CAPN12: variants seen among roughly 807,000 people sequenced by gnomAD.
CAPN12 encodes calpain 12.
CAPN12 carries 107 observed loss-of-function variants against 95.0 expected under a neutral mutation model. The ratio of observed to expected loss-of-function variants is 1.13; its 90% CI spans 0.96 to 1.32. The LOEUF (loss-of-function observed/expected upper bound fraction) is 1.32. CAPN12 is among the 40% of genes most tolerant of loss of function. The probability of loss-of-function intolerance (pLI) is 0.00; values close to 1 mark genes in which losing one functional copy is unlikely to be tolerated. For synonymous variants in CAPN12, 505 were observed against 415.5 expected, an observed-to-expected ratio of 1.22 and a Z score of -2.62; for missense variants, 1,136 against 997.8, an observed-to-expected ratio of 1.14 and a Z score of -1.87.
chr19:38,738,258 C>A lies in CAPN12; in HGVS notation c.965+15G>T, dbSNP rs756953415. The A allele has an allele frequency of 2.5e-6, 4 of 1,611,824 alleles. No individual in the cohort carries two copies. The African/African-American group carries it at 4.0e-5, about 16-fold the overall frequency. On this transcript the variant is annotated intron_variant, in intron 8 of 20. Coordinates refer to ENST00000328867, the MANE Select transcript of CAPN12 (RefSeq NM_144691.4). ...GACCCTCCCAGAGGCAGAGCTGGGA[C>A]CCTGACGAACTGACCAGAACTCGCC...
Position 38,736,674 on chromosome 19 carries a change from A to G in CAPN12, c.1363-111T>C, listed in dbSNP as rs1970196693. On this transcript the variant is annotated intron_variant, in intron 10 of 20. Transcript: ENST00000328867. The stretch of plus-strand genomic sequence containing the variant: ...TGCTCTCTCCCTCCTTCTTCGTCCT[A>G]TTAGACCCTTATTGAACCTTTGCCC... The G allele has an allele frequency of 3.8e-6, 5 of 1,312,096 alleles. No individual in the cohort carries two copies. In the South Asian group the frequency reaches 5.9e-5, roughly 15 times the overall value. 81.3% of individuals were successfully genotyped at this position (1,312,096 alleles called of 1,614,324 possible).
At chr19:38,742,062 A>G in intron 3 of CAPN12, 152 bp from the exon 4 acceptor site, 2 of 1,180,006 alleles carry the variant, frequency 1.7e-6, no homozygotes, top group Non-Finnish European at 2.4e-6. Context: ...GCGGTGGCTC[A>G]CATCTGTAAT....
Position 38,736,219 on chromosome 19 carries a change from G to T in CAPN12, c.1474C>A (p.Arg492Ser), listed in dbSNP as rs1007640899. ...TAGTGGCCTGGACGCAGGCAGCAGC[G>T]GCGGGTCACGTCGCGGCGGGCGCTG... ...PLSARRDVTR[R>S]CCLRPGHYLV... The change falls in exon 12 of 21, where the codon CGC becomes AGC. Residue 492 changes from arginine (R) to serine (S), a missense_variant. Arg to Ser is a moderately radical substitution (Grantham distance 110, BLOSUM62 -1). Coordinates refer to ENST00000328867, the MANE Select transcript of CAPN12 (RefSeq NM_144691.4). The T allele has an allele frequency of 9.3e-6, 14 of 1,500,732 alleles. No homozygotes were observed. The East Asian group carries it at 1.6e-4, about 18-fold the overall frequency. 93.0% of individuals were successfully genotyped at this position (1,500,732 alleles called of 1,614,324 possible). A position where few individuals can be genotyped will look rare whatever the true frequency, so the allele number is the denominator to read the frequency against.
rs546651043 is a variant in CAPN12, at chr19:38,730,967, G to T, written c.2131C>A (p.Gln711Lys). The change falls in exon 20 of 21, where the codon CAG becomes AAG. Residue 711 changes from glutamine to lysine, a missense_variant and splice_region_variant. By Grantham distance (53) the Gln-to-Lys change is moderately conservative. Coordinates refer to ENST00000328867, the MANE Select transcript of CAPN12 (RefSeq NM_144691.4). ...CCTGTCCCTCCCACCTGGCTCACCT[G>T]TCTGTGGGTCAGGCAGATGACCCCC... is the stretch of plus-strand genomic sequence containing the variant. Reference protein sequence around the residue: ...GEGVICLTHRQWMEVATFS With the variant: ...GEGVICLTHRKWMEVATFS 6.4e-7 allele frequency: 1 copy of T among 1,550,784 alleles called. No homozygotes were observed. Among genetic ancestry groups the T allele is most frequent in the African/African-American group, 1.4e-5 (1 of 73,180 alleles).
At chr19:38,742,235 G>GA (rs1970587067) in intron 3 of CAPN12, 175 bp downstream of exon 3, 2 of 636,492 alleles carry the variant, frequency 3.1e-6, no homozygotes, top group Non-Finnish European at 5.4e-6. Context: ...CTGAGGCAGA[G>GA]AATTGCTTGA....
In CAPN12 at chr19:38,744,157, G is replaced by A; in HGVS notation, c.9C>T (p.Ser3=). MA[S]SSGRVTIQLV... ...GCTGGATGGTGACCCTCCCACTGCT[G>A]GATGCCATCTGGACACTGGCCTCAC... is the stretch of plus-strand genomic sequence containing the variant. The change falls in exon 1 of 21, where the codon TCC becomes TCT. Residue 3 remains serine, a synonymous_variant. Coordinates refer to ENST00000328867, the MANE Select transcript of CAPN12 (RefSeq NM_144691.4). 6.2e-7 allele frequency: 1 copy of A among 1,613,898 alleles called. No individual in the cohort carries two copies. The highest frequency in any genetic ancestry group is 1.3e-5 in the African/African-American group (1 of 75,060).
Position 38,737,557 on chromosome 19 carries a change from C to G in CAPN12, c.1047G>C (p.Pro349=). The G allele has an allele frequency of 6.2e-7, 1 of 1,612,440 alleles. No individual in the cohort carries two copies. The highest frequency in any genetic ancestry group is 1.3e-5 in the African/African-American group (1 of 75,050). The change falls in exon 9 of 21, where the codon CCG becomes CCC. Residue 349 remains proline (P), a synonymous_variant. Coordinates refer to ENST00000328867, the MANE Select transcript of CAPN12 (RefSeq NM_144691.4). ...TGTGGACGTGCCAGCCGCCCCCCTC[C>G]GGGCTGGGGCCCAGCACCTCCGGGC... ...SLSPEVLGPS[P]EGGGWHVHTF...
intron 2 of CAPN12, among the ~76,000 whole-genome samples, 183 bp downstream of exon 2, chr19:38,742,850 C>CAAAAAAAAAAAAAAAAAAAAAAAAA (rs11406594): frequency 1.9e-5 from 1 of 53,306 alleles, no homozygotes; most frequent in African/African-American, 9.2e-5. Context: ...GACCCCATCT[C>CAAAAAAAAAAAAAAAAAAAAAAAAA]AAAAAAAAAA....
At chr19:38,739,023 T>A (rs536344621) in intron 5 of CAPN12, 28 of 306,956 alleles carry the variant, frequency 9.1e-5, no homozygotes, top group Non-Finnish European at 1.5e-4. Flanking sequence ...TCCCAGCTAC[T>A]CTGGAGGCTG....
chr19:38,732,113 C>T (rs929832195), intron 18 of CAPN12, among the ~76,000 whole-genome samples: 4 of 152,258 alleles, frequency 2.6e-5, no homozygotes, highest in Admixed American at 2.0e-4. Flanking sequence ...CTCAAGGGCA[C>T]TTTATCAGTT....
chr19:38,731,745 A>G (rs1969631127), intron 18 of CAPN12, among the ~76,000 whole-genome samples: 1 of 152,174 alleles, frequency 6.6e-6, no homozygotes, highest in South Asian at 2.1e-4. Flanking sequence ...TGTCTCCCAC[A>G]CGGCCAGACA....
At chr19:38,742,554 G>A (rs775058800) in intron 2 of CAPN12, 26 bp from the exon 3 acceptor site, 9 of 1,535,314 alleles carry the variant, frequency 5.9e-6, no homozygotes, top group African/African-American at 1.4e-5. Context: ...AGGATTAGGT[G>A]AGGATGGAAG....
At position 38,742,401 on chromosome 19, in the gene CAPN12, G is replaced by C; in HGVS notation, c.426+9C>G. On this transcript the variant is annotated intron_variant, in intron 3 of 20. Coordinates refer to ENST00000328867, the MANE Select transcript of CAPN12 (RefSeq NM_144691.4). Reference sequence around the variant, plus strand: ...AAACGGAGGCATGGGCAGAGGAACTGAGCTGTACCTGGAAGTGGAAGACGC... The same window carrying C: ...AAACGGAGGCATGGGCAGAGGAACTCAGCTGTACCTGGAAGTGGAAGACGC... The C allele has an allele frequency of 6.3e-7, 1 of 1,592,804 alleles. No individual in the cohort carries two copies. The highest frequency in any genetic ancestry group is 8.6e-7 in the Non-Finnish European group (1 of 1,160,716).
At chr19:38,742,920 G>T in intron 2 of CAPN12, 113 bp downstream of exon 2, 2 of 780,162 alleles carry the variant, frequency 2.6e-6, no homozygotes, top group Non-Finnish European at 4.3e-6. Flanking sequence ...AGGGAGAGAA[G>T]AGACTGAGGA....
Position 38,737,653 on chromosome 19 carries a change from A to G in CAPN12, c.966-15T>C. On this transcript the variant is annotated splice_polypyrimidine_tract_variant and intron_variant, in intron 8 of 20. Transcript: ENST00000328867. ...GCAGCTCCATCCTGCACGGTGGCCC[A>G]GTCAGACCCTGCCCGGCCCCACCTC... The G allele has an allele frequency of 6.4e-7, 1 of 1,561,560 alleles. No homozygotes were observed.
intron 18 of CAPN12, 105 bp downstream of exon 18, chr19:38,733,598 A>G: frequency 9.8e-7 from 1 of 1,017,270 alleles, no homozygotes; most frequent in Non-Finnish European, 1.5e-6. Flanking sequence ...GGGCCTGTGG[A>G]TGGCCACAGT....
At chr19:38,741,465 C>T (rs905242300) in intron 4 of CAPN12, among the ~76,000 whole-genome samples, 12 of 151,602 alleles carry the variant, frequency 7.9e-5, no homozygotes, top group South Asian at 2.1e-4. Context: ...CCCAGCTAGT[C>T]GGGAGGCTGA....
rs937480275 is a variant in CAPN12, at chr19:38,737,496, C to T, written c.1108G>A (p.Gly370Ser). Residue 370 changes from glycine to serine, a missense_variant, in exon 9 of 21, where the codon GGC (glycine) becomes AGC (serine). Transcript: ENST00000328867. Reference sequence around the variant, plus strand: ...TCACCAGCATTAGGCTGGCTCCCGCCGGAGTTGAAGCCACGCACCCAGCGG... The same window carrying T: ...TCACCAGCATTAGGCTGGCTCCCGCTGGAGTTGAAGCCACGCACCCAGCGG... ...QGRWVRGFNS[G>S]GSQPNAETFW... 1.1e-5 allele frequency: 17 copies of T among 1,612,732 alleles called. No homozygotes were observed. The highest frequency in any genetic ancestry group is 1.4e-5 in the Non-Finnish European group (17 of 1,179,922).
In CAPN12 at chr19:38,736,263, C is replaced by A; in HGVS notation, c.1430G>T (p.Arg477Leu). The A allele has an allele frequency of 6.8e-7, 1 of 1,460,982 alleles. No homozygotes were observed. The highest frequency in any genetic ancestry group is 2.6e-5 in the Admixed American group (1 of 39,086). The allele number at this position is 1,460,982 out of a possible 1,614,324, so 90.5% of individuals were successfully genotyped here. ...RSHALLPRLL[R>L]ADRSPLSARR... ...GGCGCTGAGGGGCGAGCGGTCGGCG[C>A]GCAGCAGCCGGGGCAGGAGCGCATG... Residue 477 changes from arginine (R) to leucine (L), a missense_variant, in exon 12 of 21, where the codon CGC becomes CTC. Arg to Leu is a moderately radical substitution (Grantham distance 102). Transcript: ENST00000328867.
Sources: allele counts gnomAD v4.1 joint callset (sites outside exome capture counted in the v4.1 genomes callset), GRCh38; gene constraint gnomAD v4.1.1; transcripts MANE v1.5; gene names NCBI Gene and HGNC (gene_info 2026-07-23, HGNC 2026-07-21).